REEP5: variants seen among roughly 807,000 people sequenced by gnomAD.
REEP5 encodes receptor expression-enhancing protein 5.
A neutral mutation model predicts 22.4 loss-of-function variants in REEP5; 24 were observed. The ratio of observed to expected loss-of-function variants is 1.07; its 90% confidence interval spans 0.78 to 1.51. The LOEUF is 1.51. Among genes scored for constraint, REEP5 ranks in the 40% most tolerant of loss-of-function variants. The pLI, the probability that REEP5 is intolerant of heterozygous loss-of-function variation, is 0.00. For synonymous variants in REEP5, 103 were observed against 88.6 expected, an observed-to-expected ratio of 1.16 and a Z score of -0.92; for missense variants, 252 against 233.0, an observed-to-expected ratio of 1.08 and a Z score of -0.53.
chr5:112,918,781 C>G (rs1769286297), intron 2 of REEP5, among the ~76,000 whole-genome samples: 1 of 152,234 alleles, frequency 6.6e-6, no homozygotes, highest in Admixed American at 6.5e-5. Flanking sequence ...CCCCACCACT[C>G]TTTGCTCACA....
intron 2 of REEP5, among the ~76,000 whole-genome samples, chr5:112,902,938 T>C (rs1768882278): frequency 6.6e-6 from 1 of 152,198 alleles, no homozygotes; most frequent in African/African-American, 2.4e-5. Context: ...ATATCATGGG[T>C]GAATAAGAAT....
At chr5:112,912,332 A>G (rs1054824861) in intron 2 of REEP5, among the ~76,000 whole-genome samples, 1 of 152,314 alleles carries the variant, frequency 6.6e-6, no homozygotes, top group South Asian at 2.1e-4. Flanking sequence ...AAATTAAGTA[A>G]TAGTATGTCT....
chr5:112,913,563 A>G (rs1199095810), intron 2 of REEP5, among the ~76,000 whole-genome samples: 2 of 131,356 alleles, frequency 1.5e-5, no homozygotes, highest in Non-Finnish European at 3.3e-5. Context: ...AAAAAAAAAA[A>G]TTAAGATGAG....
At chr5:112,902,023 A>G (rs1475229905) in intron 3 of REEP5, among the ~76,000 whole-genome samples, 4 of 151,950 alleles carry the variant, frequency 2.6e-5, no homozygotes, top group Non-Finnish European at 5.9e-5. Flanking sequence ...TATATCCATA[A>G]TTAACCAGAA....
rs766641032 is a variant in REEP5 at position 112,887,093 on chromosome 5, G to A, written c.442C>T (p.His148Tyr). ...ACCACACTGTCCATCTGGGACTCGT[G>A]CTTCAGGAAGAAAGGACGGATGATG... ...KRIIRPFFLK[H>Y]ESQMDSVVKD... Residue 148 changes from histidine (H) to tyrosine (Y), a missense_variant, in exon 4 of 5, where the codon CAC becomes TAC. By Grantham distance (83) the His-to-Tyr change is moderately conservative. Coordinates refer to ENST00000379638, the MANE Select transcript of REEP5 (RefSeq NM_005669.5). The A allele has an allele frequency of 5.0e-6, 8 of 1,613,608 alleles. No homozygotes were observed. In the Admixed American group the frequency reaches 1.3e-4, roughly 27 times the overall value.
intron 2 of REEP5, among the ~76,000 whole-genome samples, chr5:112,919,945 T>C (rs1769315408): frequency 6.6e-6 from 1 of 152,222 alleles, no homozygotes; most frequent in Admixed American, 6.5e-5. Context: ...TATACAATCA[T>C]ATTGGTTATG....
At chr5:112,878,887 A>G (rs1767979025) in intron 4 of REEP5, 52 bp from the exon 5 acceptor site, 2 of 1,613,282 alleles carry the variant, frequency 1.2e-6, no homozygotes, top group Non-Finnish European at 1.7e-6. Context: ...CTTTCTTTGG[A>G]ATGCAAGCTT....
At chr5:112,891,543 T>TAGAAAA (rs1319316915) in intron 3 of REEP5, 1 of 1,496,252 alleles carries the variant, frequency 6.7e-7, no homozygotes, top group African/African-American at 1.4e-5. Context: ...CATAAAATAT[T>TAGAAAA]CATAAGTAGA....
chr5:112,894,823 A>G (rs1768628712), intron 3 of REEP5: 1 of 152,248 alleles, frequency 6.6e-6, no homozygotes, highest in African/African-American at 2.4e-5. Flanking sequence ...AAGCTTCTGC[A>G]TAGAATGTAT....
At chr5:112,919,180 C>T (rs1050203930) in intron 2 of REEP5, among the ~76,000 whole-genome samples, 1 of 152,148 alleles carries the variant, frequency 6.6e-6, no homozygotes, top group Non-Finnish European at 1.5e-5. Context: ...TTGTGTTCCC[C>T]CAACATCCAT....
intron 2 of REEP5, among the ~76,000 whole-genome samples, chr5:112,905,811 G>A (rs555103667): frequency 4.6e-5 from 7 of 152,040 alleles, no homozygotes; most frequent in African/African-American, 7.2e-5. Flanking sequence ...TTATAAAGAC[G>A]GGGTTTTGCC....
At chr5:112,894,140 T>TG (rs1261977204) in intron 3 of REEP5, 2 of 144,956 alleles carry the variant, frequency 1.4e-5, no homozygotes, top group African/African-American at 5.3e-5. Flanking sequence ...TTTTTTTTTT[T>TG]GAGACGGAGT....
intron 3 of REEP5, chr5:112,892,723 T>G (rs1210029287): frequency 9.9e-6 from 16 of 1,613,910 alleles, no homozygotes; most frequent in Non-Finnish European, 1.4e-5. Flanking sequence ...TGGCTCCTCC[T>G]TTGGCAAGAA....
chr5:112,921,080 T>C (rs1009666005), intron 2 of REEP5, 83 bp downstream of exon 2: 8 of 1,327,962 alleles, frequency 6.0e-6, no homozygotes, highest in African/African-American at 4.3e-5. Context: ...CTCCCGGGAA[T>C]TGCGGATGTG....
chr5:112,887,902 T>C (rs926867756), intron 3 of REEP5, among the ~76,000 whole-genome samples: 11 of 152,298 alleles, frequency 7.2e-5, no homozygotes, highest in African/African-American at 2.4e-4. Flanking sequence ...ACTCGTCACT[T>C]CAAGTCATCC....
rs375241459 is a variant in REEP5 at position 112,918,932 on chromosome 5, C to A, written c.212+2231G>T. On this transcript the variant is annotated intron_variant, in intron 2 of 4. Transcript: ENST00000379638. The stretch of plus-strand genomic sequence containing the variant: ...TACTTTAGAGGGCTTACCACACGGT[C>A]ACTACTTTGCCTATTTCTTGCCTGG... 2.8e-4 allele frequency among the ~76,000 whole-genome samples: 43 copies of A among 152,206 alleles called. 1 individual carries two copies. The highest frequency in any genetic ancestry group is 1.0e-3 in the African/African-American group (42 of 41,454).
At chr5:112,919,278 T>C (rs1561661573) in intron 2 of REEP5, among the ~76,000 whole-genome samples, 1 of 152,138 alleles carries the variant, frequency 6.6e-6, no homozygotes, top group Admixed American at 6.5e-5. Context: ...CCAGGTGTGG[T>C]AGCTCACGCC....
intron 2 of REEP5, among the ~76,000 whole-genome samples, chr5:112,908,112 T>G (rs1223539816): frequency 6.7e-6 from 1 of 149,156 alleles, no homozygotes; most frequent in Admixed American, 6.6e-5. Flanking sequence ...TTTTTTTTTT[T>G]TTTTTTTGAT....
At chr5:112,892,384 T>G (rs753119613) in intron 3 of REEP5, 6 of 1,613,918 alleles carry the variant, frequency 3.7e-6, no homozygotes, top group South Asian at 1.1e-5. Flanking sequence ...TGAGGATGTG[T>G]TGCCCGAGTT....
Sources: allele counts gnomAD v4.1 joint callset (sites outside exome capture counted in the v4.1 genomes callset), GRCh38; gene constraint gnomAD v4.1.1; transcripts MANE v1.5; gene names NCBI Gene and HGNC (gene_info 2026-07-23, HGNC 2026-07-21).